ZNF471: variants seen among roughly 807,000 people sequenced by gnomAD.
The protein encoded by ZNF471 is zinc finger protein 471, also known as EZFIT-related protein 1.
A neutral mutation model predicts 13.7 loss-of-function variants in ZNF471; 7 were observed. The observed-to-expected ratio is 0.51, with a 90% CI of 0.29 to 0.96. The LOEUF is 0.96. Among genes scored for constraint, ZNF471 ranks in the 40% least tolerant of loss-of-function variants. ZNF471 has a pLI of 0.08. For synonymous variants in ZNF471, 218 were observed against 235.6 expected, an observed-to-expected ratio of 0.93 and a Z score of 0.68; for missense variants, 663 against 743.3, an observed-to-expected ratio of 0.89 and a Z score of 1.26.
Position 56,510,512 on chromosome 19 carries a change from G to T in ZNF471, c.-55-1005G>T. On this transcript the variant is annotated intron_variant, in intron 1 of 4. Transcript: ENST00000308031. The surrounding 1 kb of genome is among the most constrained non-coding windows in gnomAD (Gnocchi z 4.3). ...TGTGTGTGAGAGAAGTAAGATTGGG[G>T]GTATGTGTGAAGGTGTTGGTGAATC... The T allele has an allele frequency of 1.0e-6, 1 of 985,762 alleles. No homozygotes were observed. Among genetic ancestry groups the T allele is most frequent in the Non-Finnish European group, 1.2e-6 (1 of 830,052 alleles). The allele number at this position is 985,762 out of a possible 1,614,324, so 61.1% of individuals were successfully genotyped here. A position where few individuals can be genotyped will look rare whatever the true frequency, so the allele number is the denominator to read the frequency against.
Position 56,516,158 on chromosome 19 carries a change from T to G in ZNF471, c.34-117T>G. On this transcript the variant is annotated intron_variant, in intron 2 of 4. Coordinates refer to ENST00000308031, the MANE Select transcript of ZNF471 (RefSeq NM_020813.4). The surrounding 1 kb of genome is among the most constrained non-coding windows in gnomAD (Gnocchi z 4.4). ...ACTGTTTTGGCTTGGATCTTCCTAT[T>G]TATGTTTTTTCTCTTCTATGAGTTA... 9.6e-7 allele frequency: 1 copy of G among 1,046,100 alleles called. No homozygotes were observed. Among genetic ancestry groups the G allele is most frequent in the Non-Finnish European group, 1.4e-6 (1 of 712,344 alleles). 64.8% of individuals were successfully genotyped at this position (1,046,100 alleles called of 1,614,324 possible).
In ZNF471 at chr19:56,524,662, G is replaced by C; in HGVS notation, c.595G>C (p.Val199Leu). Residue 199 changes from valine to leucine, a missense_variant, in exon 5 of 5, where the codon GTC (valine) becomes CTC (leucine). Physicochemically the swap from Val to Leu is conservative, Grantham distance 32. Coordinates refer to ENST00000308031, the MANE Select transcript of ZNF471 (RefSeq NM_020813.4). The surrounding 1 kb of genome is among the most constrained non-coding windows in gnomAD (Gnocchi z 4.8). ...KNSMVIKHKK[V>L]YVGKKLFKCN... ...TTCTATGGTAATAAAACACAAGAAA[G>C]TCTATGTAGGAAAGAAGCTTTTTAA... 6.3e-7 allele frequency: 1 copy of C among 1,581,896 alleles called. No homozygotes were observed. Among genetic ancestry groups the C allele is most frequent in the Non-Finnish European group, 8.5e-7 (1 of 1,171,576 alleles).
chr19:56,529,842 G>A lies in ZNF471; in HGVS notation c.*3894G>A, dbSNP rs182261451. On this transcript the variant is annotated 3_prime_UTR_variant, in exon 5 of 5. Coordinates refer to ENST00000308031, the MANE Select transcript of ZNF471 (RefSeq NM_020813.4). The stretch of plus-strand genomic sequence containing the variant: ...GAGAAACCGTATTTTCAAATATTGA[G>A]AGGGTAAATTAGAGGAAAGCCATTT... The A allele has an allele frequency of 6.6e-6, 1 of 152,320 alleles. No individual in the cohort carries two copies. The highest frequency in any genetic ancestry group is 2.4e-5 in the African/African-American group (1 of 41,570). The allele number at this position is 152,320 out of a possible 1,614,324, so 9.4% of individuals were successfully genotyped here.
rs527764450 is a variant in ZNF471 at position 56,530,109 on chromosome 19, A to T, written c.*4161A>T. ...TGTGTAGTTACGGAAAATGAGATGG[A>T]TCTCTACTCAAAGATGTCTTGCAGT... On this transcript the variant is annotated 3_prime_UTR_variant, in exon 5 of 5. Transcript: ENST00000308031. 8.5e-5 allele frequency: 13 copies of T among 152,340 alleles called. No homozygotes were observed. The highest frequency in any genetic ancestry group is 1.8e-4 in the Non-Finnish European group (12 of 68,040). The allele number at this position is 152,340 out of a possible 1,614,324, so 9.4% of individuals were successfully genotyped here.
At position 56,516,176 on chromosome 19, in the gene ZNF471, A is replaced by C. The variant is rs2043885476; in HGVS notation, c.34-99A>C. The C allele has an allele frequency of 2.2e-5, 27 of 1,236,104 alleles. No individual in the cohort carries two copies. The highest frequency in any genetic ancestry group is 3.1e-5 in the Non-Finnish European group (27 of 873,502). 76.6% of individuals were successfully genotyped at this position (1,236,104 alleles called of 1,614,324 possible). The stretch of plus-strand genomic sequence containing the variant: ...TTCCTATTTATGTTTTTTCTCTTCT[A>C]TGAGTTATTTCTCACCTAAAGTAGA... On this transcript the variant is annotated intron_variant, in intron 2 of 4. Coordinates refer to ENST00000308031, the MANE Select transcript of ZNF471 (RefSeq NM_020813.4). The surrounding 1 kb of genome is among the most constrained non-coding windows in gnomAD (Gnocchi z 4.4).
chr19:56,519,877 G>T (rs975242205), intron 4 of ZNF471, among the ~76,000 whole-genome samples: 1 of 152,208 alleles, frequency 6.6e-6, no homozygotes. Flanking sequence ...GTTCTGTCCT[G>T]CCCAGATCAT....
In ZNF471 at chr19:56,524,266, T is replaced by C; in HGVS notation, c.257-58T>C. 8.5e-7 allele frequency: 1 copy of C among 1,170,574 alleles called. No homozygotes were observed. 72.5% of individuals were successfully genotyped at this position (1,170,574 alleles called of 1,614,324 possible). A position where few individuals can be genotyped will look rare whatever the true frequency, so the allele number is the denominator to read the frequency against. ...TTTTTAAATTACCTTTTTCACAATG[T>C]CTCCTTTGTTGTAGCCCATGATAAA... On this transcript the variant is annotated intron_variant, in intron 4 of 4. Transcript: ENST00000308031. The surrounding 1 kb of genome is among the most constrained non-coding windows in gnomAD (Gnocchi z 4.8).
chr19:56,524,510 C>G lies in ZNF471; in HGVS notation c.443C>G (p.Thr148Ser). 6.2e-7 allele frequency: 1 copy of G among 1,606,448 alleles called. No individual in the cohort carries two copies. The highest frequency in any genetic ancestry group is 1.3e-5 in the African/African-American group (1 of 74,392). ...ATGTTTAGCAAGAAAGAAATAATCA[C>G]TCATAAAGAAACCATCACTAAGGAA... ...HEMFSKKEII[T>S]HKETITKETE... Residue 148 changes from threonine to serine, a missense_variant, in exon 5 of 5, where the codon ACT becomes AGT. By Grantham distance (58) the Thr-to-Ser change is moderately conservative (BLOSUM62 1). Transcript: ENST00000308031. This position sits in a 1 kb window ranked among gnomAD's most constrained non-coding sequence, Gnocchi z 4.8.
At position 56,522,198 on chromosome 19, in the gene ZNF471, T is replaced by C. The variant is rs533171333; in HGVS notation, c.257-2126T>C. Among the ~76,000 whole-genome samples the C allele has an allele frequency of 6.6e-6, 1 of 152,280 alleles. No homozygotes were observed. The highest frequency in any genetic ancestry group is 6.5e-5 in the Admixed American group (1 of 15,304). On this transcript the variant is annotated intron_variant, in intron 4 of 4. Coordinates refer to ENST00000308031, the MANE Select transcript of ZNF471 (RefSeq NM_020813.4). This position sits in a 1 kb window ranked among gnomAD's most constrained non-coding sequence, Gnocchi z 4.1. The stretch of plus-strand genomic sequence containing the variant: ...AATGATGCATTTCTCAGAGCATTTC[T>C]CCATCATTAAGTGACACAAGACTAT...
chr19:56,509,710 G>T (rs555102959), intron 1 of ZNF471: 1 of 264,818 alleles, frequency 3.8e-6, no homozygotes, highest in South Asian at 1.5e-4. Context: ...CTTATTGCTT[G>T]CCTGGTGTGT....
chr19:56,517,233 A>G (rs1262033076), intron 3 of ZNF471, among the ~76,000 whole-genome samples: 1 of 147,560 alleles, frequency 6.8e-6, no homozygotes, highest in Non-Finnish European at 1.5e-5. Context: ...CCCAGGTTCA[A>G]GCAATTCTCC....
At chr19:56,519,665 C>A (rs370945559) in intron 4 of ZNF471, among the ~76,000 whole-genome samples, 1 of 152,316 alleles carries the variant, frequency 6.6e-6, no homozygotes, top group East Asian at 1.9e-4. Flanking sequence ...AGTGTTTGAT[C>A]TTTTGGAATA....
At position 56,525,908 on chromosome 19, in the gene ZNF471, T is replaced by TAATTTGTCATCA; in HGVS notation, c.1844_1855dup (p.Ile615_Gln618dup). Reference sequence around the variant, plus strand: ...AAGGCGTTCAGAAGAAAGTTATCCTTAATTTGTCATCAAAGAAGTCATACT... The same window carrying TAATTTGTCATCA: ...AAGGCGTTCAGAAGAAAGTTATCCTTAATTTGTCATCAAATTTGTCATCAAAGAAGTCATACT... On this transcript the variant is annotated inframe_insertion, in exon 5 of 5. Transcript: ENST00000308031. 3 of 1,577,872 alleles carry TAATTTGTCATCA rather than the reference T, an allele frequency of 1.9e-6. No homozygotes were observed. The highest frequency in any genetic ancestry group is 1.2e-5 in the South Asian group (1 of 84,806).
rs968443730 is a variant in ZNF471, at chr19:56,526,155, G to A, written c.*207G>A. 1.2e-5 allele frequency: 6 copies of A among 516,888 alleles called. No individual in the cohort carries two copies. Among genetic ancestry groups the A allele is most frequent in the African/African-American group, 9.6e-5 (5 of 52,230 alleles). The allele number at this position is 516,888 out of a possible 1,614,324, so 32.0% of individuals were successfully genotyped here. ...AAGGTGGGTGCTTTCTGTATTTCCA[G>A]CTGAGGTACCTGGCTCATCTCATTG... On this transcript the variant is annotated 3_prime_UTR_variant, in exon 5 of 5. Coordinates refer to ENST00000308031, the MANE Select transcript of ZNF471 (RefSeq NM_020813.4).
Position 56,526,937 on chromosome 19 carries a change from C to T in ZNF471, c.*989C>T, listed in dbSNP as rs974310455. 1.3e-5 allele frequency: 2 copies of T among 152,576 alleles called. No individual in the cohort carries two copies. The highest frequency in any genetic ancestry group is 4.8e-5 in the African/African-American group (2 of 41,484). The allele number at this position is 152,576 out of a possible 1,614,324, so 9.5% of individuals were successfully genotyped here. On this transcript the variant is annotated 3_prime_UTR_variant, in exon 5 of 5. Coordinates refer to ENST00000308031, the MANE Select transcript of ZNF471 (RefSeq NM_020813.4). ...AGACTTAAACATTCCTGCCTGCCAGCTCTGAAGAGAGCAGCAGTTCTTCCA... is the reference window on the plus strand; with the variant it reads ...AGACTTAAACATTCCTGCCTGCCAGTTCTGAAGAGAGCAGCAGTTCTTCCA...
chr19:56,527,588 A>G lies in ZNF471; in HGVS notation c.*1640A>G, dbSNP rs1251663190. On this transcript the variant is annotated 3_prime_UTR_variant, in exon 5 of 5. Coordinates refer to ENST00000308031, the MANE Select transcript of ZNF471 (RefSeq NM_020813.4). ...AAGCTAAGAACCTTGAAAAAAGGTT[A>G]GAGGAATTGCTAACTAGAATAACCA... The G allele has an allele frequency of 1.3e-5, 2 of 152,252 alleles. No homozygotes were observed. The highest frequency in any genetic ancestry group is 2.9e-5 in the Non-Finnish European group (2 of 68,044). 9.4% of individuals were successfully genotyped at this position (152,252 alleles called of 1,614,324 possible).
chr19:56,511,372 G>A (rs374926886), intron 1 of ZNF471, 145 bp from the exon 2 acceptor site: 33 of 582,174 alleles, frequency 5.7e-5, no homozygotes, highest in East Asian at 3.4e-4. Flanking sequence ...ACCGTTATGA[G>A]TTTTAGCCCT....
intron 2 of ZNF471, among the ~76,000 whole-genome samples, chr19:56,512,553 A>G (rs1372238391): frequency 6.6e-6 from 1 of 152,152 alleles, no homozygotes; most frequent in Non-Finnish European, 1.5e-5. Context: ...AGTTGGCACA[A>G]TGGCATTAAT....
Position 56,529,665 on chromosome 19 carries a change from A to G in ZNF471, c.*3717A>G, listed in dbSNP as rs2044086354. 6.6e-6 allele frequency: 1 copy of G among 152,240 alleles called. No individual in the cohort carries two copies. Among genetic ancestry groups the G allele is most frequent in the Non-Finnish European group, 1.5e-5 (1 of 68,046 alleles). The allele number at this position is 152,240 out of a possible 1,614,324, so 9.4% of individuals were successfully genotyped here. ...CATGTCAACAAAATTTATTGGATGAAGAAATTAAAATGGTTAAATAGAAGA... is the reference window on the plus strand; with the variant it reads ...CATGTCAACAAAATTTATTGGATGAGGAAATTAAAATGGTTAAATAGAAGA... On this transcript the variant is annotated 3_prime_UTR_variant, in exon 5 of 5. Coordinates refer to ENST00000308031, the MANE Select transcript of ZNF471 (RefSeq NM_020813.4).
Sources: gnomAD v4.1 joint callset for allele counts (sites outside exome capture counted in the v4.1 genomes callset) on GRCh38, gnomAD v4.1.1 for gene constraint, Gnocchi (gnomAD v3.1) non-coding constraint, MANE v1.5 for transcripts, NCBI Gene and HGNC (gene_info 2026-07-23, HGNC 2026-07-21) for gene names.